PJA2: variants seen among roughly 807,000 people sequenced by gnomAD.
PJA2 encodes E3 ubiquitin-protein ligase Praja-2.
A neutral mutation model predicts 69.3 loss-of-function variants in PJA2; 25 were observed. That is an observed-to-expected ratio of 0.36 (90% CI 0.26 to 0.50). The LOEUF (loss-of-function observed/expected upper bound fraction) is 0.50, where lower values mean the gene tolerates loss of function less well. Among genes scored for constraint, PJA2 ranks in the 20% least tolerant of loss-of-function variants. PJA2 has a pLI of 0.96. For missense variants in PJA2, 809 were observed against 830.2 expected (o/e 0.97, Z 0.31); for synonymous variants, 308 against 277.8 (o/e 1.11, Z -1.08).
chr5:109,337,138 T>A lies in PJA2; in HGVS notation c.*93A>T, dbSNP rs563724716. The A allele has an allele frequency of 1.2e-4, 144 of 1,206,542 alleles. No homozygotes were observed. Among genetic ancestry groups the A allele is most frequent in the South Asian group, 1.5e-4 (8 of 53,618 alleles). 74.7% of individuals were successfully genotyped at this position (1,206,542 alleles called of 1,614,324 possible). A position where few individuals can be genotyped will look rare whatever the true frequency, so the allele number is the denominator to read the frequency against. ...TGGCATATACTATATATAGCATTTT[T>A]AAATATATTTATATATAATTATTTG... On this transcript the variant is annotated 3_prime_UTR_variant, in exon 10 of 10. Transcript: ENST00000361189.
In PJA2 at chr5:109,356,026, G is replaced by T; in HGVS notation, c.1653C>A (p.Ser551Arg). Residue 551 changes from serine to arginine, a missense_variant and splice_region_variant, in exon 7 of 10, where the codon AGC becomes AGA. Transcript: ENST00000361189. ...SVSEDLDVDW[S>R]LFDGFADGLG... is the part of the protein sequence containing the mutation. ...GTCCATCTGCAAAGCCATCAAATAG[G>T]CTGAAAAAAAAAAAAAATAACAGAA... 1 of 1,591,280 alleles carries T rather than the reference G, an allele frequency of 6.3e-7. No homozygotes were observed. The highest frequency in any genetic ancestry group is 8.5e-7 in the Non-Finnish European group (1 of 1,171,750).
Position 109,385,059 on chromosome 5 carries a change from C to T in PJA2, c.-87-1539G>A, listed in dbSNP as rs1387796977. 2.6e-5 allele frequency among the ~76,000 whole-genome samples: 4 copies of T among 152,198 alleles called. No homozygotes were observed. In the East Asian group the frequency reaches 5.8e-4, roughly 22 times the overall value. ...CTCAAACTCCTGACCACGTGATCCA[C>T]CTGCCTTGGCCACCCAAAGTGCTGG... On this transcript the variant is annotated intron_variant, in intron 1 of 9. Coordinates refer to ENST00000361189, the MANE Select transcript of PJA2 (RefSeq NM_014819.5).
intron 1 of PJA2, among the ~76,000 whole-genome samples, chr5:109,404,918 T>C (rs371001770): frequency 9.2e-5 from 14 of 152,326 alleles, no homozygotes; most frequent in Admixed American, 3.9e-4. Flanking sequence ...ACCACTGCTA[T>C]TCAACATCAT....
chr5:109,356,525 A>C (rs1490048566), intron 6 of PJA2, among the ~76,000 whole-genome samples: 1 of 152,142 alleles, frequency 6.6e-6, no homozygotes, highest in Non-Finnish European at 1.5e-5. Context: ...CCCAAATCCC[A>C]AACACTTCTG....
intron 1 of PJA2, among the ~76,000 whole-genome samples, chr5:109,387,037 G>A (rs1343251909): frequency 6.6e-6 from 1 of 151,864 alleles, no homozygotes. Flanking sequence ...TCTTTATTTG[G>A]CCCAAATGGG....
At chr5:109,361,358 A>G (rs149569757) in intron 6 of PJA2, among the ~76,000 whole-genome samples, 97 of 152,330 alleles carry the variant, frequency 6.4e-4, no homozygotes, top group African/African-American at 1.9e-3. Flanking sequence ...CAATGAGTCA[A>G]TAATCTGTTA....
intron 7 of PJA2, among the ~76,000 whole-genome samples, chr5:109,350,408 A>G (rs1443858720): frequency 1.3e-5 from 2 of 152,230 alleles, no homozygotes; most frequent in Non-Finnish European, 2.9e-5. Context: ...GGTTTAAAGT[A>G]GCATAATCCT....
At chr5:109,386,815 C>G (rs1451184261) in intron 1 of PJA2, among the ~76,000 whole-genome samples, 2 of 152,176 alleles carry the variant, frequency 1.3e-5, no homozygotes, top group Non-Finnish European at 1.5e-5. Context: ...TGTGTCCTAC[C>G]TGTCTACCTA....
intron 6 of PJA2, among the ~76,000 whole-genome samples, 163 bp downstream of exon 6, chr5:109,362,677 G>C (rs773180910): frequency 3.9e-5 from 6 of 152,228 alleles, no homozygotes; most frequent in Non-Finnish European, 8.8e-5. Context: ...AAGTAGGAAA[G>C]GGTCCAAGTA....
At chr5:109,339,012 C>A (rs569825745) in intron 9 of PJA2, among the ~76,000 whole-genome samples, 1 of 152,184 alleles carries the variant, frequency 6.6e-6, no homozygotes, top group Non-Finnish European at 1.5e-5. Flanking sequence ...CTACCTATAT[C>A]ATCTAATCTT....
At chr5:109,373,080 C>T (rs900357481) in intron 4 of PJA2, among the ~76,000 whole-genome samples, 17 of 151,606 alleles carry the variant, frequency 1.1e-4, no homozygotes, top group South Asian at 8.3e-4. Flanking sequence ...GGTGACAAAG[C>T]GAGACTGTCT....
Position 109,379,193 on chromosome 5 carries a change from A to C in PJA2, c.294T>G (p.Ser98Arg), listed in dbSNP as rs1160466131. The C allele has an allele frequency of 3.1e-6, 5 of 1,614,014 alleles. No individual in the cohort carries two copies. Among genetic ancestry groups the C allele is most frequent in the Non-Finnish European group, 8.5e-7 (1 of 1,179,960 alleles). ...AACCACAAGTGGGAATTTCTGTTTC[A>C]CTTTTTTCAAATATAGGTTCACTGG... is the stretch of plus-strand genomic sequence containing the variant. The part of the protein sequence containing the change: ...SLPSEPIFEK[S>R]ETEIPTCGSA... The change falls in exon 4 of 10, where the codon AGT becomes AGG. Residue 98 changes from serine to arginine, a missense_variant. Physicochemically the swap from Ser to Arg is moderately radical, Grantham distance 110. Around this residue, in one of 4 missense-constraint regions of PJA2, gnomAD observed 700 missense variants for 639.5 expected, o/e 1.09. Coordinates refer to ENST00000361189, the MANE Select transcript of PJA2 (RefSeq NM_014819.5).
chr5:109,345,742 A>G (rs763604998), intron 7 of PJA2, among the ~76,000 whole-genome samples: 25 of 152,200 alleles, frequency 1.6e-4, no homozygotes, highest in Non-Finnish European at 3.4e-4. Flanking sequence ...CTGAATGGCT[A>G]CATCTACTAC....
At chr5:109,378,142 G>A (rs931370975) in intron 4 of PJA2, 62 bp downstream of exon 4, 2 of 1,214,644 alleles carry the variant, frequency 1.6e-6, no homozygotes, top group Admixed American at 2.2e-5. Flanking sequence ...ATCAAACATG[G>A]TTCTAGAAAG....
chr5:109,378,496 T>C lies in PJA2; in HGVS notation c.991A>G (p.Thr331Ala), dbSNP rs937932803. Reference protein sequence around the residue: ...LISSSQVDQETGFNRHEAKQR... With the variant: ...LISSSQVDQEAGFNRHEAKQR... ...TTCGCCTCATGCCTATTAAAACCTG[T>C]TTCTTGGTCCACCTGGCTTGAACTT... The change falls in exon 4 of 10, where the codon ACA becomes GCA. Residue 331 changes from threonine to alanine, a missense_variant. Thr to Ala is a moderately conservative substitution (Grantham distance 58). Around this residue, in one of 4 missense-constraint regions of PJA2, gnomAD observed 700 missense variants for 639.5 expected, o/e 1.09. Transcript: ENST00000361189. The C allele has an allele frequency of 1.7e-5, 28 of 1,614,210 alleles. No individual in the cohort carries two copies. Among genetic ancestry groups the C allele is most frequent in the African/African-American group, 1.7e-4 (13 of 75,056 alleles).
intron 1 of PJA2, among the ~76,000 whole-genome samples, chr5:109,405,221 TC>T (rs1275286934): frequency 6.6e-6 from 1 of 152,154 alleles, no homozygotes; most frequent in Non-Finnish European, 1.5e-5. Context: ...TAGATATAAA[TC>T]CAACAAAATG....
chr5:109,409,710 G>C (rs1356869744), intron 1 of PJA2, 132 bp downstream of exon 1: 1 of 153,512 alleles, frequency 6.5e-6, no homozygotes, highest in Non-Finnish European at 1.5e-5. Flanking sequence ...GCAGGCCAGG[G>C]ACAAGCCCCG....
Position 109,368,619 on chromosome 5 carries a change from G to C in PJA2, c.1411C>G (p.Leu471Val). ...TCAGGGCCACTGCTATCACTTTGTA[G>C]CTCAGGTTCATTCTCATCTTTTCCT... ...LPGKDENEPE[L>V]QSDSSGPEEE... The change falls in exon 5 of 10, where the codon CTA becomes GTA. Residue 471 changes from leucine (L) to valine (V), a missense_variant. Coordinates refer to ENST00000361189, the MANE Select transcript of PJA2 (RefSeq NM_014819.5). 1.2e-6 allele frequency: 2 copies of C among 1,614,042 alleles called. No homozygotes were observed. The highest frequency in any genetic ancestry group is 1.7e-6 in the Non-Finnish European group (2 of 1,179,996).
At chr5:109,362,313 T>C (rs1248343927) in intron 6 of PJA2, among the ~76,000 whole-genome samples, 2 of 152,244 alleles carry the variant, frequency 1.3e-5, no homozygotes, top group African/African-American at 4.8e-5. Context: ...TTCACTTACA[T>C]GTTACTTTCA....
Sources: allele counts gnomAD v4.1 joint callset (sites outside exome capture counted in the v4.1 genomes callset), GRCh38; gene constraint gnomAD v4.1.1; regional missense constraint gnomAD v4.1.1; transcripts MANE v1.5; gene names NCBI Gene and HGNC (gene_info 2026-07-23, HGNC 2026-07-21).